Variants in PRRC2B observed in about 807,000 individuals in gnomAD.
The protein encoded by PRRC2B is protein PRRC2B.
In PRRC2B, 68 loss-of-function variants were observed where a neutral mutation model predicts 242.3. That is an observed-to-expected ratio of 0.28 (90% confidence interval 0.23 to 0.34). The LOEUF (loss-of-function observed/expected upper bound fraction) is 0.34, where lower values mean the gene tolerates loss of function less well. Ranked by LOEUF, PRRC2B falls within the 10% of genes least tolerant of loss-of-function variation. PRRC2B has a pLI of 1.00. For missense variants in PRRC2B, 2,835 were observed against 2,954.8 expected, an observed-to-expected ratio of 0.96 and a Z score of 0.94; for synonymous variants, 1,228 against 1,173.6, an observed-to-expected ratio of 1.05 and a Z score of -0.95.
intron 23 of PRRC2B, among the ~76,000 whole-genome samples, 189 bp downstream of exon 23, chr9:131,483,634 C>G (rs1409382480): frequency 6.6e-6 from 1 of 152,214 alleles, no homozygotes; most frequent in Non-Finnish European, 1.5e-5. Context: ...GGGGATCATA[C>G]AGTTCCTAAG....
chr9:131,481,366 GC>G (rs1943862137), intron 19 of PRRC2B, among the ~76,000 whole-genome samples: 1 of 147,166 alleles, frequency 6.8e-6, no homozygotes, highest in African/African-American at 2.5e-5. Context: ...AAAAAGAGAA[GC>G]TACCAACTTT....
At chr9:131,433,766 T>G (rs1838254434) in intron 3 of PRRC2B, among the ~76,000 whole-genome samples, 1 of 152,242 alleles carries the variant, frequency 6.6e-6, no homozygotes, top group Admixed American at 6.5e-5. Flanking sequence ...ATCCTTTTCT[T>G]ACAAGTCTGT....
At chr9:131,408,124 T>A (rs1837415133) in intron 1 of PRRC2B, among the ~76,000 whole-genome samples, 1 of 152,196 alleles carries the variant, frequency 6.6e-6, no homozygotes, top group South Asian at 2.1e-4. Context: ...GGGGTTGTTG[T>A]AAGTAGGCTG....
chr9:131,403,020 T>G (rs1190625741), intron 1 of PRRC2B, among the ~76,000 whole-genome samples: 1 of 152,210 alleles, frequency 6.6e-6, no homozygotes, highest in Non-Finnish European at 1.5e-5. Context: ...CAGGACCTAC[T>G]GGAAAAAGGA....
intron 11 of PRRC2B, among the ~76,000 whole-genome samples, chr9:131,464,541 C>T (rs963551273): frequency 1.4e-4 from 21 of 152,180 alleles, no homozygotes; most frequent in African/African-American, 4.6e-4. Context: ...ATTTTAAAAA[C>T]AAGGAAGTGA....
chr9:131,421,249 G>A (rs533575007), intron 1 of PRRC2B, among the ~76,000 whole-genome samples: 3 of 152,204 alleles, frequency 2.0e-5, no homozygotes, highest in Non-Finnish European at 4.4e-5. Flanking sequence ...GTGACACAGG[G>A]TCTGGCACAC....
chr9:131,469,862 C>T (rs1943492121), intron 13 of PRRC2B, among the ~76,000 whole-genome samples: 2 of 152,126 alleles, frequency 1.3e-5, no homozygotes, highest in Non-Finnish European at 2.9e-5. Flanking sequence ...GAGTGTGGTG[C>T]TGTGGGCAAG....
At chr9:131,426,388 G>A (rs1209303873) in intron 1 of PRRC2B, among the ~76,000 whole-genome samples, 2 of 149,848 alleles carry the variant, frequency 1.3e-5, no homozygotes, top group African/African-American at 4.9e-5. Flanking sequence ...GAAGAAGAAA[G>A]GAAAATCATT....
At position 131,476,104 on chromosome 9, in the gene PRRC2B, G is replaced by T; in HGVS notation, c.3975G>T (p.Leu1325=). ...GGCAAGAGCGGGAGTCCCTGGGCCT[G>T]TGGGGACCCGAGGAGGAGCCCCACC... ...RLRQERESLG[L]WGPEEEPHLL... The change falls in exon 16 of 32, where the codon CTG becomes CTT. Residue 1325 remains leucine (L), a synonymous_variant. Transcript: ENST00000683519. 1 of 1,609,906 alleles carries T rather than the reference G, an allele frequency of 6.2e-7. No homozygotes were observed. Among genetic ancestry groups the T allele is most frequent in the Non-Finnish European group, 8.5e-7 (1 of 1,177,580 alleles).
At chr9:131,390,277 T>TGGCACAGTGAGCACCAGAGTGCAGG (rs1836882694), upstream of PRRC2B, among the ~76,000 whole-genome samples, 1 of 149,964 alleles carries the variant, frequency 6.7e-6, no homozygotes, top group Non-Finnish European at 1.5e-5. Context: ...CCCCAGAGCC[T>TGGCACAGTGAGCACCAGAGTGCAGG]GGCACAGTGA....
intron 1 of PRRC2B, among the ~76,000 whole-genome samples, chr9:131,427,449 G>A (rs1838007072): frequency 6.6e-6 from 1 of 152,064 alleles, no homozygotes; most frequent in African/African-American, 2.4e-5. Context: ...TCCTGCCTCA[G>A]CCTCACGAGT....
At chr9:131,427,986 A>G (rs907810359) in intron 1 of PRRC2B, among the ~76,000 whole-genome samples, 3 of 152,132 alleles carry the variant, frequency 2.0e-5, no homozygotes, top group Non-Finnish European at 4.4e-5. Context: ...CAATGGCACA[A>G]TCTCGGCTCA....
At position 131,500,060 on chromosome 9, in the gene PRRC2B, C is replaced by T. The variant is rs944825231; in HGVS notation, c.*4186C>T. On this transcript the variant is annotated 3_prime_UTR_variant, in exon 32 of 32. Transcript: ENST00000683519. ...AAATCGAATCGTGGATTCACCAGGC[C>T]GGTGCTGGCACACTCACCCTCGCCC... 3 of 152,114 alleles carry T rather than the reference C, an allele frequency of 2.0e-5. No individual in the cohort carries two copies. Among genetic ancestry groups the T allele is most frequent in the South Asian group, 2.1e-4 (1 of 4,828 alleles). The allele number at this position is 152,114 out of a possible 1,614,324, so 9.4% of individuals were successfully genotyped here. A position where few individuals can be genotyped will look rare whatever the true frequency, so the allele number is the denominator to read the frequency against.
rs932612895 is a variant in PRRC2B at position 131,494,131 on chromosome 9, A to T, written c.6474-274A>T. Among the ~76,000 whole-genome samples the T allele has an allele frequency of 1.3e-5, 2 of 152,172 alleles. No individual in the cohort carries two copies. Among genetic ancestry groups the T allele is most frequent in the Admixed American group, 1.3e-4 (2 of 15,278 alleles). On this transcript the variant is annotated intron_variant, in intron 30 of 31. Coordinates refer to ENST00000683519, the MANE Select transcript of PRRC2B (RefSeq NM_013318.4). The surrounding 1 kb of genome is among the most constrained non-coding windows in gnomAD (Gnocchi z 4.3). ...GCAGGACAGCCATGCCCATCTGTAC[A>T]GGGCCTCAGCCTCCCTCTCTTGCGG... is the stretch of plus-strand genomic sequence containing the variant.
In PRRC2B at chr9:131,467,831, G is replaced by T. The variant is rs1943439708; in HGVS notation, c.1911+78G>T. Reference sequence around the variant, plus strand: ...AGATGTTTCCCCTCCTCGTCCCCATGCCCCACCTCCAACTTAGAAAAAGGC... The same window carrying T: ...AGATGTTTCCCCTCCTCGTCCCCATTCCCCACCTCCAACTTAGAAAAAGGC... On this transcript the variant is annotated intron_variant, in intron 13 of 31. Coordinates refer to ENST00000683519, the MANE Select transcript of PRRC2B (RefSeq NM_013318.4). The T allele has an allele frequency of 5.6e-6, 8 of 1,439,140 alleles. No individual in the cohort carries two copies. The East Asian group carries it at 1.6e-4, about 29-fold the overall frequency. 89.1% of individuals were successfully genotyped at this position (1,439,140 alleles called of 1,614,324 possible).
At chr9:131,408,844 C>T (rs1837434249) in intron 1 of PRRC2B, among the ~76,000 whole-genome samples, 3 of 151,698 alleles carry the variant, frequency 2.0e-5, no homozygotes, top group Non-Finnish European at 4.4e-5. Flanking sequence ...CTCAGCCTTC[C>T]GAGTAGCTGG....
At chr9:131,420,495 T>TTCTTTCTTTCTTTTCTTTC (rs1373568254) in intron 1 of PRRC2B, among the ~76,000 whole-genome samples, 1 of 79,862 alleles carries the variant, frequency 1.3e-5, no homozygotes, top group Non-Finnish European at 2.6e-5. Flanking sequence ...CTTTCTTTCT[T>TTCTTTCTTTCTTTTCTTTC]TTTTTTTTTT....
chr9:131,402,952 A>AACTTCCCGAC (rs1369101980), intron 1 of PRRC2B, among the ~76,000 whole-genome samples: 1 of 152,192 alleles, frequency 6.6e-6, no homozygotes, highest in Non-Finnish European at 1.5e-5. Context: ...AGCCGGCGTC[A>AACTTCCCGAC]ACTTCCCGAC....
At chr9:131,419,033 C>G (rs1837730723) in intron 1 of PRRC2B, among the ~76,000 whole-genome samples, 1 of 152,114 alleles carries the variant, frequency 6.6e-6, no homozygotes, top group Non-Finnish European at 1.5e-5. Context: ...TTTTCTGTAT[C>G]AAGCGTATAT....
Sources: allele counts gnomAD v4.1 joint callset (sites outside exome capture counted in the v4.1 genomes callset), GRCh38; gene constraint gnomAD v4.1.1; non-coding constraint Gnocchi (gnomAD v3.1); transcripts MANE v1.5; gene names NCBI Gene and HGNC (gene_info 2026-07-23, HGNC 2026-07-21).